The following PFKFB4 variants were observed in gnomAD, a reference collection of about 807,000 sequenced individuals.
The protein encoded by PFKFB4 is 6-phosphofructo-2-kinase/fructose-2,6-bisphosphatase 4.
In PFKFB4, 42 loss-of-function variants were observed where a neutral mutation model predicts 62.8. The observed-to-expected ratio is 0.67, with a 90% CI of 0.52 to 0.86. The LOEUF (loss-of-function observed/expected upper bound fraction) is 0.86. PFKFB4 is among the 40% of genes least tolerant of loss of function. The probability of loss-of-function intolerance (pLI) is 0.00; values close to 1 mark genes in which losing one functional copy is unlikely to be tolerated. For synonymous variants in PFKFB4, 204 were observed against 240.7 expected (o/e 0.85, Z 1.41); for missense variants, 475 against 627.2 (o/e 0.76, Z 2.59).
intron 1 of PFKFB4, 56 bp from the exon 2 acceptor site, chr3:48,550,290 C>A: frequency 1.8e-6 from 2 of 1,133,524 alleles, no homozygotes; most frequent in Admixed American, 1.7e-5. Context: ...CAGCGCACCC[C>A]TCCCTCTCAG....
rs780106284 is a variant in PFKFB4, at chr3:48,519,724, G to A, written c.*23C>T. ...CTCTGCAGAGAGCAGTGCCTGCCTA[G>A]TGGTCACAGTGGATGAACATGGTCA... On this transcript the variant is annotated 3_prime_UTR_variant, in exon 14 of 14. Coordinates refer to ENST00000232375, the MANE Select transcript of PFKFB4 (RefSeq NM_004567.4). 3 of 1,595,174 alleles carry A rather than the reference G, an allele frequency of 1.9e-6. No individual in the cohort carries two copies. Among genetic ancestry groups the A allele is most frequent in the East Asian group, 2.2e-5 (1 of 44,804 alleles).
At chr3:48,559,635 T>C (rs1560186589), upstream of PFKFB4, 2 of 456,672 alleles carry the variant, frequency 4.4e-6, no homozygotes, top group Non-Finnish European at 8.8e-6. Context: ...TATCCGAAAG[T>C]GAGCCAGCTG....
At chr3:48,528,846 G>A (rs997063274) in intron 9 of PFKFB4, among the ~76,000 whole-genome samples, 1 of 152,128 alleles carries the variant, frequency 6.6e-6, no homozygotes, top group Non-Finnish European at 1.5e-5. Context: ...CATGCTACAC[G>A]AATAAACCTT....
intron 1 of PFKFB4, among the ~76,000 whole-genome samples, chr3:48,553,081 C>G (rs552572005): frequency 1.1e-4 from 16 of 152,314 alleles, no homozygotes; most frequent in Admixed American, 5.9e-4. Context: ...CATTGCAGCT[C>G]TCAAAACAGA....
At chr3:48,520,885 C>T (rs1457430428) in intron 13 of PFKFB4, among the ~76,000 whole-genome samples, 4 of 152,210 alleles carry the variant, frequency 2.6e-5, no homozygotes, top group Admixed American at 2.0e-4. Flanking sequence ...GCCTCTCTTA[C>T]CATCACTCTG....
chr3:48,535,610 G>A lies in PFKFB4; in HGVS notation c.889C>T (p.Leu297=). The change falls in exon 9 of 14, where the codon CTG becomes TTG. Residue 297 remains leucine, a synonymous_variant. Coordinates refer to ENST00000232375, the MANE Select transcript of PFKFB4 (RefSeq NM_004567.4). ...QFISDQNIKD[L]KVWTSQMKRT... is the part of the protein sequence containing the mutation. ...TTCATCTGGCTTGTCCAGACCTTCAGATCCTTGATATTTTGGTCACTGATG... is the reference window on the plus strand; with the variant it reads ...TTCATCTGGCTTGTCCAGACCTTCAAATCCTTGATATTTTGGTCACTGATG... 1 of 1,614,072 alleles carries A rather than the reference G, an allele frequency of 6.2e-7. No individual in the cohort carries two copies.
chr3:48,551,552 T>TTTTA (rs1392228459), intron 1 of PFKFB4, among the ~76,000 whole-genome samples: 1 of 71,546 alleles, frequency 1.4e-5, no homozygotes, highest in African/African-American at 5.3e-5. Flanking sequence ...TTTTTTTTTT[T>TTTTA]GAGAGGGAGT....
At chr3:48,552,996 C>T (rs1354172947) in intron 1 of PFKFB4, among the ~76,000 whole-genome samples, 1 of 152,242 alleles carries the variant, frequency 6.6e-6, no homozygotes, top group Non-Finnish European at 1.5e-5. Context: ...CACAACAGCT[C>T]TGCTTACCAT....
At chr3:48,558,317 T>C (rs1177199423), upstream of PFKFB4, among the ~76,000 whole-genome samples, 1 of 152,018 alleles carries the variant, frequency 6.6e-6, no homozygotes, top group East Asian at 1.9e-4. Context: ...CCAACACGGC[T>C]TCAACCTGAG....
At chr3:48,538,463 T>A (rs1189311553) in intron 7 of PFKFB4, 35 bp downstream of exon 7, 1 of 1,608,344 alleles carries the variant, frequency 6.2e-7, no homozygotes, top group East Asian at 2.2e-5. Context: ...CCGCCCACCA[T>A]CACAGCTGCA....
At chr3:48,536,122 A>T in intron 8 of PFKFB4, 134 bp downstream of exon 8, 1 of 725,862 alleles carries the variant, frequency 1.4e-6, no homozygotes, top group Non-Finnish European at 2.3e-6. Context: ...TTCTAGGTTG[A>T]ATGAAGGTCA....
Position 48,517,871 on chromosome 3 carries a change from GGCCGGGGGGTT to G in PFKFB4, c.*1865_*1875del. On this transcript the variant is annotated 3_prime_UTR_variant, in exon 14 of 14. Coordinates refer to ENST00000232375, the MANE Select transcript of PFKFB4 (RefSeq NM_004567.4). Reference sequence around the variant, plus strand: ...CATGCGGAGACCATGCCAGGGCAGAGGCCGGGGGGTTGCCCCCACTCATGCCCTGATCCCTG... The same window carrying G: ...CATGCGGAGACCATGCCAGGGCAGAGGCCCCCACTCATGCCCTGATCCCTG... 1 of 152,640 alleles carries G rather than the reference GGCCGGGGGGTT, an allele frequency of 6.6e-6. No individual in the cohort carries two copies. The highest frequency in any genetic ancestry group is 6.5e-5 in the Admixed American group (1 of 15,290). The allele number at this position is 152,640 out of a possible 1,614,324, so 9.5% of individuals were successfully genotyped here.
chr3:48,557,829 G>C (rs1338939533), upstream of PFKFB4, among the ~76,000 whole-genome samples: 1 of 152,216 alleles, frequency 6.6e-6, no homozygotes, highest in Non-Finnish European at 1.5e-5. Flanking sequence ...GAGCCACCGC[G>C]CCCGGCCGTG....
chr3:48,562,527 C>G (rs985970067), upstream of PFKFB4: 4 of 533,594 alleles, frequency 7.5e-6, no homozygotes, highest in Non-Finnish European at 9.9e-6. The surrounding 1 kb of genome is among the most constrained non-coding windows in gnomAD (Gnocchi z 4.3). Flanking sequence ...CATGGCAAGA[C>G]TCCATGTGGC....
At chr3:48,560,982 C>T, upstream of PFKFB4, 1 of 863,388 alleles carries the variant, frequency 1.2e-6, no homozygotes, top group African/African-American at 1.8e-5. Context: ...TCGCACCCCT[C>T]CAGCACCACC....
At chr3:48,556,978 C>G, upstream of PFKFB4, 1 of 1,386,348 alleles carries the variant, frequency 7.2e-7, no homozygotes, top group Non-Finnish European at 9.3e-7. This position sits in a 1 kb window ranked among gnomAD's most constrained non-coding sequence, Gnocchi z 5.7. Context: ...GCATGCCCAA[C>G]TCACCTACCC....
chr3:48,555,971 C>T (rs1008846692), intron 1 of PFKFB4: 19 of 362,196 alleles, frequency 5.2e-5, no homozygotes, highest in South Asian at 3.2e-4. Context: ...GCGGTTTAAA[C>T]ACCTGGGACC....
In PFKFB4 at chr3:48,521,885, T is replaced by C; in HGVS notation, c.1350+101A>G. 1.0e-6 allele frequency: 1 copy of C among 998,870 alleles called. No individual in the cohort carries two copies. Among genetic ancestry groups the C allele is most frequent in the Non-Finnish European group, 1.6e-6 (1 of 622,214 alleles). The allele number at this position is 998,870 out of a possible 1,614,324, so 61.9% of individuals were successfully genotyped here. ...GTCTTGGCAGAAGACTCAAGCTCCC[T>C]CTGGCAGGTGCCGCAGCTGGGCCTG... On this transcript the variant is annotated intron_variant, in intron 13 of 13. Transcript: ENST00000232375. This position sits in a 1 kb window ranked among gnomAD's most constrained non-coding sequence, Gnocchi z 5.3.
upstream of PFKFB4, chr3:48,561,126 A>C (rs2043426934): frequency 7.8e-7 from 1 of 1,280,060 alleles, no homozygotes; most frequent in Admixed American, 2.4e-5. This position sits in a 1 kb window ranked among gnomAD's most constrained non-coding sequence, Gnocchi z 5.2. Flanking sequence ...CCTGCAACCA[A>C]ACTGGCCAGG....
Sources: allele counts gnomAD v4.1 joint callset (sites outside exome capture counted in the v4.1 genomes callset), GRCh38; gene constraint gnomAD v4.1.1; non-coding constraint Gnocchi (gnomAD v3.1); transcripts MANE v1.5; gene names NCBI Gene and HGNC (gene_info 2026-07-23, HGNC 2026-07-21).